CSMD1: variants seen among roughly 807,000 people sequenced by gnomAD.
The protein encoded by CSMD1 is CUB and Sushi multiple domains 1, also known as CUB and sushi domain-containing protein 1.
A neutral mutation model predicts 417.5 loss-of-function variants in CSMD1; 213 were observed. The observed-to-expected ratio is 0.51, with a 90% CI of 0.46 to 0.57. The LOEUF is 0.57. Ranked by LOEUF, CSMD1 falls within the 20% of genes least tolerant of loss-of-function variation. CSMD1 has a pLI of 0.00. For synonymous variants in CSMD1, 2,862 were observed against 1,736.8 expected (o/e 1.65, Z -16.11); for missense variants, 6,923 against 4,529.7 (o/e 1.53, Z -15.17).
In CSMD1 at chr8:3,558,395, T is replaced by TCC. The variant is rs1563152324; in HGVS notation, c.1344+16549_1344+16550insGG. Among the ~76,000 whole-genome samples, 1,191 of 123,182 alleles carry TCC rather than the reference T, an allele frequency of 9.7e-3. 41 individuals are homozygous for TCC. Among genetic ancestry groups the TCC allele is most frequent in the Middle Eastern group, 0.02 (4 of 200 alleles). 80.8% of individuals were successfully genotyped at this position (123,182 alleles called of 152,430 possible). ...TGCCTCAGTAGTACCCCGTGTCCAC[T>TCC]TCTCCAATGATGAACGGTGCCTCAA... is the stretch of plus-strand genomic sequence containing the variant. On this transcript the variant is annotated intron_variant, in intron 10 of 69. Coordinates refer to ENST00000635120, the MANE Select transcript of CSMD1 (RefSeq NM_033225.6).
chr8:3,606,639 T>C (rs1057441341), intron 8 of CSMD1, among the ~76,000 whole-genome samples: 2 of 152,102 alleles, frequency 1.3e-5, no homozygotes, highest in Non-Finnish European at 2.9e-5. Context: ...TGGGCCACTA[T>C]AAATTTATTA....
intron 10 of CSMD1, among the ~76,000 whole-genome samples, chr8:3,529,126 T>C (rs1002889164): frequency 1.3e-5 from 2 of 152,238 alleles, no homozygotes; most frequent in Middle Eastern, 3.2e-3. Context: ...CATTATTTCA[T>C]TAAAATATCC....
intron 5 of CSMD1, among the ~76,000 whole-genome samples, chr8:3,845,273 T>C (rs35144792): frequency 0.3 from 46,210 of 152,032 alleles, 7,186 homozygotes; most frequent in Non-Finnish European, 0.34. Context: ...CTTGTGCAAA[T>C]ATCGTAGAGT....
chr8:4,777,151 T>C (rs1796895348), intron 1 of CSMD1, among the ~76,000 whole-genome samples: 1 of 152,220 alleles, frequency 6.6e-6, no homozygotes, highest in South Asian at 2.1e-4. Context: ...AGACGGATAA[T>C]TAAACACAGT....
chr8:3,187,306 C>T (rs991923650), intron 36 of CSMD1, among the ~76,000 whole-genome samples: 1 of 152,112 alleles, frequency 6.6e-6, no homozygotes, highest in Non-Finnish European at 1.5e-5. Context: ...TTGAATGACG[C>T]TCGAGGGCAA....
intron 1 of CSMD1, among the ~76,000 whole-genome samples, chr8:4,831,843 A>G (rs146014770): frequency 9.2e-5 from 14 of 151,892 alleles, no homozygotes; most frequent in African/African-American, 3.1e-4. Flanking sequence ...AAGACAAAGC[A>G]CAGTGTGTGC....
At chr8:4,203,038 G>C (rs768210132) in intron 3 of CSMD1, among the ~76,000 whole-genome samples, 2 of 152,162 alleles carry the variant, frequency 1.3e-5, no homozygotes, top group African/African-American at 2.4e-5. Context: ...CCTGCTGAGA[G>C]GATTTGACAG....
chr8:4,662,663 C>G (rs993681957), intron 1 of CSMD1, among the ~76,000 whole-genome samples: 1 of 152,204 alleles, frequency 6.6e-6, no homozygotes, highest in Admixed American at 6.5e-5. Flanking sequence ...GCCGCCACTT[C>G]GTTTTGTGGT....
chr8:3,457,071 C>T (rs1462377448), intron 12 of CSMD1, among the ~76,000 whole-genome samples: 1 of 151,870 alleles, frequency 6.6e-6, no homozygotes, highest in African/African-American at 2.4e-5. Context: ...ACCTGTATCC[C>T]TCATTCTGCA....
At chr8:3,914,901 A>G (rs545340313) in intron 5 of CSMD1, among the ~76,000 whole-genome samples, 5 of 152,268 alleles carry the variant, frequency 3.3e-5, no homozygotes, top group Admixed American at 1.3e-4. Flanking sequence ...ATCTTACAGA[A>G]TAACTCAATA....
At chr8:3,798,167 T>G (rs1485418173) in intron 5 of CSMD1, among the ~76,000 whole-genome samples, 1 of 152,074 alleles carries the variant, frequency 6.6e-6, no homozygotes, top group Non-Finnish European at 1.5e-5. Flanking sequence ...AGTCTTTTAT[T>G]AGATAAAACA....
At chr8:4,556,657 T>C (rs1185247501) in intron 2 of CSMD1, among the ~76,000 whole-genome samples, 2 of 152,224 alleles carry the variant, frequency 1.3e-5, no homozygotes, top group Non-Finnish European at 2.9e-5. Flanking sequence ...ATAGTGATAG[T>C]GCAATGCAAA....
intron 2 of CSMD1, among the ~76,000 whole-genome samples, chr8:4,574,623 A>G (rs1460006447): frequency 6.6e-6 from 1 of 152,206 alleles, no homozygotes; most frequent in Non-Finnish European, 1.5e-5. Flanking sequence ...GTGTCCATGA[A>G]TACATTAATG....
At chr8:4,842,841 G>A (rs1440322819) in intron 1 of CSMD1, among the ~76,000 whole-genome samples, 1 of 152,200 alleles carries the variant, frequency 6.6e-6, no homozygotes, top group Admixed American at 6.5e-5. Flanking sequence ...TAGCGTAGCT[G>A]TTAAATCTTT....
chr8:3,818,685 A>C (rs1801537464), intron 5 of CSMD1, among the ~76,000 whole-genome samples: 1 of 152,148 alleles, frequency 6.6e-6, no homozygotes, highest in Non-Finnish European at 1.5e-5. Flanking sequence ...CTTCTGAAGA[A>C]ACGGCAGTCA....
At chr8:3,906,655 C>A (rs1808132647) in intron 5 of CSMD1, among the ~76,000 whole-genome samples, 2 of 148,884 alleles carry the variant, frequency 1.3e-5, no homozygotes, top group Admixed American at 6.7e-5. Flanking sequence ...TTGCAAAGTA[C>A]ACCTTGCACA....
At chr8:3,084,931 T>C (rs1055884358) in intron 49 of CSMD1, among the ~76,000 whole-genome samples, 1 of 149,982 alleles carries the variant, frequency 6.7e-6, no homozygotes, top group Admixed American at 6.7e-5. Flanking sequence ...TCTATATATA[T>C]AATGAAAATA....
At chr8:3,165,238 T>C (rs950774614) in intron 37 of CSMD1, among the ~76,000 whole-genome samples, 1 of 151,956 alleles carries the variant, frequency 6.6e-6, no homozygotes, top group African/African-American at 2.4e-5. Context: ...GAATATTTTT[T>C]ATCAATATTA....
At chr8:3,252,031 C>T (rs1386535529) in intron 26 of CSMD1, among the ~76,000 whole-genome samples, 3 of 152,196 alleles carry the variant, frequency 2.0e-5, no homozygotes, top group African/African-American at 4.8e-5. Context: ...TTGACTTCCT[C>T]TTTTCCTAAT....
Sources: gnomAD v4.1 joint callset for allele counts (sites outside exome capture counted in the v4.1 genomes callset) on GRCh38, gnomAD v4.1.1 for gene constraint, MANE v1.5 for transcripts, NCBI Gene and HGNC (gene_info 2026-07-23, HGNC 2026-07-21) for gene names.